PAQR5: variants seen among roughly 807,000 people sequenced by gnomAD.
PAQR5 encodes membrane progestin receptor gamma.
Under a neutral mutation model 34.5 loss-of-function variants are expected in PAQR5, and 20 were observed. That is an observed-to-expected ratio of 0.58 (90% CI 0.41 to 0.84). PAQR5 has a LOEUF of 0.84. Among genes scored for constraint, PAQR5 ranks in the 40% least tolerant of loss-of-function variants. The pLI is 0.00. For synonymous variants in PAQR5, 131 were observed against 155.6 expected (o/e 0.84, Z 1.18); for missense variants, 378 against 412.7 (o/e 0.92, Z 0.73).
At chr15:69,314,948 A>T (rs995073196) in intron 1 of PAQR5, among the ~76,000 whole-genome samples, 2 of 152,116 alleles carry the variant, frequency 1.3e-5, no homozygotes, top group African/African-American at 4.8e-5. Context: ...TTGTGCCTTC[A>T]GTATCGCTGT....
chr15:69,331,381 T>C (rs932772789), intron 1 of PAQR5, among the ~76,000 whole-genome samples: 1 of 152,176 alleles, frequency 6.6e-6, no homozygotes, highest in Non-Finnish European at 1.5e-5. Context: ...TCTGGAAGAT[T>C]TCGAGGCAGT....
chr15:69,340,028 G>A (rs1847271), intron 2 of PAQR5, among the ~76,000 whole-genome samples: 72,864 of 151,992 alleles, frequency 0.48, 20,083 homozygotes, highest in Middle Eastern at 0.64. Context: ...CACCACGCCC[G>A]GCTAATTTTG....
intron 4 of PAQR5, among the ~76,000 whole-genome samples, chr15:69,382,307 G>A (rs567453510): frequency 3.9e-5 from 6 of 152,194 alleles, no homozygotes; most frequent in Non-Finnish European, 5.9e-5. Flanking sequence ...AGTATTTAAT[G>A]TGAAGTTCAA....
intron 1 of PAQR5, among the ~76,000 whole-genome samples, chr15:69,320,194 T>G (rs933298591): frequency 3.9e-5 from 6 of 152,216 alleles, no homozygotes; most frequent in Non-Finnish European, 8.8e-5. Flanking sequence ...GCCAACTAGC[T>G]GGGTAGCATA....
chr15:69,338,121 A>G (rs1325143230), intron 2 of PAQR5, among the ~76,000 whole-genome samples: 1 of 152,152 alleles, frequency 6.6e-6, no homozygotes, highest in African/African-American at 2.4e-5. Flanking sequence ...CAACAACAAC[A>G]AAAAGATTGT....
chr15:69,385,712 C>T lies in PAQR5; in HGVS notation c.385+830C>T, dbSNP rs2056086230. ...CAAGAGGTTGTCCATGAGGAGCCTA[C>T]CTCCATCCTCTTTCTTCATATACAC... On this transcript the variant is annotated intron_variant, in intron 5 of 8. Transcript: ENST00000395407. This position sits in a 1 kb window ranked among gnomAD's most constrained non-coding sequence, Gnocchi z 4.7. Among the ~76,000 whole-genome samples the T allele has an allele frequency of 6.6e-6, 1 of 151,862 alleles. No individual in the cohort carries two copies. Among genetic ancestry groups the T allele is most frequent in the South Asian group, 2.1e-4 (1 of 4,816 alleles).
intron 2 of PAQR5, among the ~76,000 whole-genome samples, chr15:69,354,376 TTTC>T (rs2055002158): frequency 6.6e-6 from 1 of 152,256 alleles, no homozygotes; most frequent in Non-Finnish European, 1.5e-5. Context: ...GCTTCTCTTA[TTTC>T]TTCATCACGT....
rs1322460790 is a variant in PAQR5 at position 69,385,678 on chromosome 15, T to C, written c.385+796T>C. ...CTAGGTGAGAAAACCAATTATTGTC[T>C]TCCTTGCCCAAGAGGTTGTCCATGA... On this transcript the variant is annotated intron_variant, in intron 5 of 8. Transcript: ENST00000395407. This position sits in a 1 kb window ranked among gnomAD's most constrained non-coding sequence, Gnocchi z 4.7. 1.3e-5 allele frequency among the ~76,000 whole-genome samples: 2 copies of C among 152,100 alleles called. No homozygotes were observed. Among genetic ancestry groups the C allele is most frequent in the Non-Finnish European group, 2.9e-5 (2 of 68,008 alleles).
In PAQR5 at chr15:69,300,613, CTTTCTTTCTTTCT is replaced by C. The variant is rs1272531490; in HGVS notation, c.-277+1560_-277+1572del. 7.8e-5 allele frequency among the ~76,000 whole-genome samples: 4 copies of C among 51,000 alleles called. 1 individual carries two copies. Among genetic ancestry groups the C allele is most frequent in the African/African-American group, 2.6e-4 (4 of 15,524 alleles). The allele number at this position is 51,000 out of a possible 152,430, so 33.5% of individuals were successfully genotyped here. A position where few individuals can be genotyped will look rare whatever the true frequency, so the allele number is the denominator to read the frequency against. On this transcript the variant is annotated intron_variant, in intron 1 of 8. Transcript: ENST00000395407. Reference sequence around the variant, plus strand: ...TCCTTCTTTCTTTCTTTCTTTCTTTCTTTCTTTCTTTCTTTCTTTCTTTCTTTCTTTCTTTCTT... The same window carrying C: ...TCCTTCTTTCTTTCTTTCTTTCTTTCTTCTTTCTTTCTTTCTTTCTTTCTT...
chr15:69,332,158 C>T (rs919574224), intron 1 of PAQR5, among the ~76,000 whole-genome samples: 7 of 152,224 alleles, frequency 4.6e-5, no homozygotes, highest in Non-Finnish European at 1.0e-4. Context: ...ATTTGTGAGA[C>T]TAGTCTTAGG....
At chr15:69,321,830 G>C (rs1328667554) in intron 1 of PAQR5, among the ~76,000 whole-genome samples, 1 of 152,094 alleles carries the variant, frequency 6.6e-6, no homozygotes, top group African/African-American at 2.4e-5. Context: ...AGGAACACTG[G>C]ACAGTGTTCC....
At position 69,339,122 on chromosome 15, in the gene PAQR5, C is replaced by T. The variant is rs1360008157; in HGVS notation, c.-116+1621C>T. ...CAGCGCAAGAAGACAGGTTCGACTC[C>T]CTATGATTTCATCCCTGACCAGTCA... On this transcript the variant is annotated intron_variant, in intron 2 of 8. Transcript: ENST00000395407. Among the ~76,000 whole-genome samples the T allele has an allele frequency of 2.7e-5, 4 of 147,666 alleles. No individual in the cohort carries two copies. In the Admixed American group the frequency reaches 2.8e-4, roughly 10 times the overall value.
chr15:69,329,200 CAGTG>C, intron 1 of PAQR5, among the ~76,000 whole-genome samples: 1 of 152,158 alleles, frequency 6.6e-6, no homozygotes, highest in Non-Finnish European at 1.5e-5. Context: ...CCCTTGTCCC[CAGTG>C]ACACACACAC....
chr15:69,347,207 G>A (rs185504765), intron 2 of PAQR5, among the ~76,000 whole-genome samples: 8 of 152,278 alleles, frequency 5.3e-5, no homozygotes, highest in East Asian at 1.9e-4. Flanking sequence ...TTATTTATCC[G>A]GATGGCAAGA....
intron 3 of PAQR5, among the ~76,000 whole-genome samples, chr15:69,379,109 G>A (rs2140913035): frequency 6.6e-6 from 1 of 152,324 alleles, no homozygotes; most frequent in South Asian, 2.1e-4. Context: ...AACCATGGCA[G>A]GAATATAGTT....
intron 1 of PAQR5, among the ~76,000 whole-genome samples, chr15:69,305,608 A>G (rs1404639273): frequency 2.6e-5 from 4 of 151,890 alleles, no homozygotes; most frequent in Non-Finnish European, 5.9e-5. Context: ...GTGGTGAGTA[A>G]TCATCTATTC....
chr15:69,371,350 C>G (rs2055556520), intron 3 of PAQR5, among the ~76,000 whole-genome samples: 1 of 152,048 alleles, frequency 6.6e-6, no homozygotes, highest in Admixed American at 6.6e-5. Context: ...GAAGTTCAAA[C>G]ATTGTAATGA....
intron 1 of PAQR5, among the ~76,000 whole-genome samples, chr15:69,309,949 G>A (rs1440765369): frequency 6.6e-6 from 1 of 152,064 alleles, no homozygotes; most frequent in African/African-American, 2.4e-5. Context: ...TTGGGAGGCT[G>A]AGGTGGGAGA....
chr15:69,374,290 TG>T (rs1165955038), intron 3 of PAQR5, among the ~76,000 whole-genome samples: 2 of 152,206 alleles, frequency 1.3e-5, no homozygotes, highest in African/African-American at 4.8e-5. Context: ...TTCTGTCCTA[TG>T]GGAACTAAGC....
Sources: gnomAD v4.1 joint callset for allele counts (sites outside exome capture counted in the v4.1 genomes callset) on GRCh38, gnomAD v4.1.1 for gene constraint, Gnocchi (gnomAD v3.1) non-coding constraint, MANE v1.5 for transcripts, NCBI Gene and HGNC (gene_info 2026-07-23, HGNC 2026-07-21) for gene names.